Variants in MYOM3 observed in about 807,000 individuals in gnomAD.
MYOM3 encodes the protein myomesin 3.
In MYOM3, 155 loss-of-function variants were observed where a neutral mutation model predicts 191.7. That is an observed-to-expected ratio of 0.81 (90% CI 0.71 to 0.92). The LOEUF is 0.92. Ranked by LOEUF, MYOM3 falls within the 40% of genes least tolerant of loss-of-function variation. The pLI is 0.00. For synonymous variants in MYOM3, 757 were observed against 762.9 expected, an observed-to-expected ratio of 0.99 and a Z score of 0.13; for missense variants, 1,889 against 1,890.6, an observed-to-expected ratio of 1.00 and a Z score of 0.02.
chr1:24,076,401 T>A (rs551498068), intron 20 of MYOM3, 128 bp from the exon 21 acceptor site: 1 of 664,276 alleles, frequency 1.5e-6, no homozygotes, highest in African/African-American at 1.8e-5. Flanking sequence ...CATCTTTCCA[T>A]GTGACAAAGA....
At chr1:24,075,623 C>T (rs1643587979) in intron 21 of MYOM3, 148 bp from the exon 22 acceptor site, 1 of 767,724 alleles carries the variant, frequency 1.3e-6, no homozygotes, top group Non-Finnish European at 1.9e-6. Context: ...CTTGCAGGAT[C>T]CGGCTCCTTC....
chr1:24,085,162 G>C (rs1286082815), intron 15 of MYOM3, among the ~76,000 whole-genome samples: 1 of 144,002 alleles, frequency 6.9e-6, no homozygotes, highest in South Asian at 2.2e-4. Context: ...GCATGGACAG[G>C]TGGATACATG....
chr1:24,065,912 C>T lies in MYOM3; in HGVS notation c.3513G>A (p.Thr1171=), dbSNP rs765255132. 10 of 1,612,490 alleles carry T rather than the reference C, an allele frequency of 6.2e-6. No individual in the cohort carries two copies. The highest frequency in any genetic ancestry group is 4.0e-5 in the African/African-American group (3 of 74,876). Reference sequence around the variant, plus strand: ...TTGCCTCTTCAATGCAGAGAAGTCCCGTTCCCGTCTCTGGGTCATACTGAC... The same window carrying T: ...TTGCCTCTTCAATGCAGAGAAGTCCTGTTCCCGTCTCTGGGTCATACTGAC... ...PDGQYDPETG[T]GLLCIEELSK... Residue 1171 remains threonine (T), a synonymous_variant, in exon 29 of 37, where the codon ACG becomes ACA. Transcript: ENST00000374434.
intron 1 of MYOM3, among the ~76,000 whole-genome samples, chr1:24,110,471 A>G (rs890169384): frequency 6.6e-6 from 1 of 152,134 alleles, no homozygotes; most frequent in African/African-American, 2.4e-5. Flanking sequence ...AGGTGAGCCC[A>G]CTGGCTTTAT....
chr1:24,084,771 G>T, intron 15 of MYOM3, 132 bp from the exon 16 acceptor site: 2 of 829,910 alleles, frequency 2.4e-6, no homozygotes, highest in Non-Finnish European at 3.8e-6. Flanking sequence ...TTCCTGACCT[G>T]CTGGGGGCTT....
Position 24,105,038 on chromosome 1 carries a change from T to C in MYOM3, c.560+882A>G, listed in dbSNP as rs16829192. On this transcript the variant is annotated intron_variant, in intron 5 of 36. Coordinates refer to ENST00000374434, the MANE Select transcript of MYOM3 (RefSeq NM_152372.4). The stretch of plus-strand genomic sequence containing the variant: ...GAGACTGAGACCTGGGCCGCGGCCA[T>C]GCCTACTCCAATGTGTGCCTGTGCA... Among the ~76,000 whole-genome samples the C allele has an allele frequency of 4.9e-3, 739 of 152,308 alleles. 7 individuals are homozygous for C. Among genetic ancestry groups the C allele is most frequent in the African/African-American group, 0.015 (633 of 41,562 alleles).
chr1:24,058,131 C>G (rs1643326114), intron 36 of MYOM3, among the ~76,000 whole-genome samples: 1 of 152,170 alleles, frequency 6.6e-6, no homozygotes, highest in Non-Finnish European at 1.5e-5. Flanking sequence ...TACAGGAATA[C>G]TTACCCATCA....
intron 5 of MYOM3, among the ~76,000 whole-genome samples, chr1:24,100,886 CAA>C (rs570186037): frequency 2.4e-4 from 23 of 94,430 alleles, no homozygotes; most frequent in East Asian, 3.0e-4. Context: ...GACTCCGTCT[CAA>C]AAAAAAAAAA....
rs11249132 is a variant in MYOM3 at position 24,087,417 on chromosome 1, C to A, written c.1615-590G>T. ...TCCCTGTCTGCCCAGAACCCTCCCACGTCCCGCATCTCCCTCAGAGCAAAA... is the reference window on the plus strand; with the variant it reads ...TCCCTGTCTGCCCAGAACCCTCCCAAGTCCCGCATCTCCCTCAGAGCAAAA... On this transcript the variant is annotated intron_variant, in intron 14 of 36. Coordinates refer to ENST00000374434, the MANE Select transcript of MYOM3 (RefSeq NM_152372.4). The surrounding 1 kb of genome is among the most constrained non-coding windows in gnomAD (Gnocchi z 4.5). Among the ~76,000 whole-genome samples the A allele has an allele frequency of 0.23, 34,722 of 151,898 alleles. 5,145 individuals carry two copies. The highest frequency in any genetic ancestry group is 0.46 in the East Asian group (2,384 of 5,134).
Position 24,107,063 on chromosome 1 carries a change from A to G in MYOM3, c.402+10T>C. The G allele has an allele frequency of 6.3e-7, 1 of 1,597,004 alleles. No individual in the cohort carries two copies. Among genetic ancestry groups the G allele is most frequent in the Non-Finnish European group, 8.5e-7 (1 of 1,172,610 alleles). On this transcript the variant is annotated intron_variant, in intron 4 of 36. Coordinates refer to ENST00000374434, the MANE Select transcript of MYOM3 (RefSeq NM_152372.4). ...CCCAGGCCCTGGGGCTCCACGGCCC[A>G]CCCCCTTACCCGCCGCCTCAGCGTC...
At chr1:24,066,939 G>T in intron 28 of MYOM3, 82 bp downstream of exon 28, 1 of 1,291,972 alleles carries the variant, frequency 7.7e-7, no homozygotes, top group Non-Finnish European at 1.1e-6. Flanking sequence ...GGGGCCGGGT[G>T]GGCAGGGACA....
chr1:24,095,560 C>T, intron 7 of MYOM3, 74 bp from the exon 8 acceptor site: 1 of 1,375,458 alleles, frequency 7.3e-7, no homozygotes, highest in Non-Finnish European at 1.0e-6. Flanking sequence ...GGGACATGGG[C>T]TTTGGATATG....
intron 23 of MYOM3, among the ~76,000 whole-genome samples, chr1:24,073,861 TAAAAA>T (rs55682709): frequency 3.7e-5 from 3 of 81,514 alleles, no homozygotes; most frequent in Non-Finnish European, 4.5e-5. Flanking sequence ...AGACTCCGTC[TAAAAA>T]AAAAAAAAAA....
At chr1:24,062,164 AC>A (rs2148541294) in intron 32 of MYOM3, 55 bp from the exon 33 acceptor site, 2 of 1,594,876 alleles carry the variant, frequency 1.3e-6, no homozygotes, top group East Asian at 4.5e-5. Context: ...GTCAACAGAT[AC>A]CCGTGCCCCA....
In MYOM3 at chr1:24,108,587, T is replaced by TG. The variant is rs532144295; in HGVS notation, c.49dup (p.Gln17ProfsTer43). ...CTCCAGCCTGTGAACCTCCATGGCC[T>TG]GGGGGGGCCGGGGGTCCCCCGCACC... On this transcript the variant is annotated frameshift_variant, in exon 2 of 37. Transcript: ENST00000374434. LOFTEE classifies it high-confidence loss of function. 2.8e-5 allele frequency: 44 copies of TG among 1,570,406 alleles called. No individual in the cohort carries two copies. Among genetic ancestry groups the TG allele is most frequent in the South Asian group, 7.0e-5 (6 of 85,416 alleles).
chr1:24,078,110 A>T (rs895633369), intron 20 of MYOM3, among the ~76,000 whole-genome samples: 1 of 149,272 alleles, frequency 6.7e-6, no homozygotes, highest in African/African-American at 2.5e-5. Context: ...ATTTAGTAAC[A>T]GTATTTTTAG....
chr1:24,104,047 T>C (rs548667176), intron 5 of MYOM3, among the ~76,000 whole-genome samples: 1 of 152,370 alleles, frequency 6.6e-6, no homozygotes, highest in South Asian at 2.1e-4. Flanking sequence ...GTTTGAATCC[T>C]GACTCACATT....
At chr1:24,077,596 C>T (rs935329507) in intron 20 of MYOM3, among the ~76,000 whole-genome samples, 4 of 152,198 alleles carry the variant, frequency 2.6e-5, no homozygotes, top group African/African-American at 4.8e-5. Flanking sequence ...CTCCTTTGAG[C>T]GTCCAGAATT....
At chr1:24,090,694 C>G in intron 12 of MYOM3, 103 bp downstream of exon 12, 1 of 1,186,582 alleles carries the variant, frequency 8.4e-7, no homozygotes, top group East Asian at 2.4e-5. Flanking sequence ...GCTTCCTCCA[C>G]CAGACTCGGG....
Sources: allele counts gnomAD v4.1 joint callset (sites outside exome capture counted in the v4.1 genomes callset), GRCh38; gene constraint gnomAD v4.1.1; non-coding constraint Gnocchi (gnomAD v3.1); transcripts MANE v1.5; gene names NCBI Gene and HGNC (gene_info 2026-07-23, HGNC 2026-07-21).